PI4K2B: variants seen among roughly 807,000 people sequenced by gnomAD.
The protein encoded by PI4K2B is phosphatidylinositol 4-kinase type 2-beta.
In PI4K2B, 46 loss-of-function variants were observed where a neutral mutation model predicts 56.6. The ratio of observed to expected loss-of-function variants is 0.81; its 90% CI spans 0.64 to 1.04. The LOEUF (loss-of-function observed/expected upper bound fraction) is 1.04. Ranked by LOEUF, PI4K2B falls within the 50% of genes least tolerant of loss-of-function variation. The probability of loss-of-function intolerance (pLI) is 0.00; values close to 1 mark genes in which losing one functional copy is unlikely to be tolerated. For synonymous variants in PI4K2B, 211 were observed against 223.8 expected, an observed-to-expected ratio of 0.94 and a Z score of 0.51; for missense variants, 556 against 607.7, an observed-to-expected ratio of 0.91 and a Z score of 0.89.
chr4:25,265,610 A>G (rs1274694624), intron 7 of PI4K2B, among the ~76,000 whole-genome samples: 1 of 152,188 alleles, frequency 6.6e-6, no homozygotes, highest in Non-Finnish European at 1.5e-5. Context: ...GGAATAATTT[A>G]GAAGTATTTT....
intron 9 of PI4K2B, among the ~76,000 whole-genome samples, chr4:25,273,500 C>T (rs1194595460): frequency 3.3e-5 from 5 of 152,114 alleles, no homozygotes; most frequent in Non-Finnish European, 7.4e-5. Context: ...TTTAATGATG[C>T]TTATTATTGT....
rs113536568 is a variant in PI4K2B, at chr4:25,275,083, C to T, written c.1273-1931C>T. On this transcript the variant is annotated intron_variant, in intron 9 of 9. Coordinates refer to ENST00000264864, the MANE Select transcript of PI4K2B (RefSeq NM_018323.4). ...CCTCCCAAAGTGCTGGGATTACAGG[C>T]ATGAGCCACCACACCTGGTCAACGT... 3.3e-3 allele frequency among the ~76,000 whole-genome samples: 510 copies of T among 152,264 alleles called. 4 individuals are homozygous for T. The highest frequency in any genetic ancestry group is 0.011 in the African/African-American group (465 of 41,556).
chr4:25,241,217 C>T (rs1229317279), intron 1 of PI4K2B, among the ~76,000 whole-genome samples: 2 of 152,224 alleles, frequency 1.3e-5, no homozygotes, highest in Admixed American at 6.5e-5. Context: ...TTTCCCTTTC[C>T]CAGTTCTAAG....
At chr4:25,234,996 A>C (rs564474463) in intron 1 of PI4K2B, among the ~76,000 whole-genome samples, 1 of 152,244 alleles carries the variant, frequency 6.6e-6, no homozygotes, top group Non-Finnish European at 1.5e-5. Context: ...TTCTTGATTT[A>C]CTTCTAATAC....
At chr4:25,273,051 G>A (rs1025406789) in intron 9 of PI4K2B, among the ~76,000 whole-genome samples, 1 of 151,964 alleles carries the variant, frequency 6.6e-6, no homozygotes, top group Non-Finnish European at 1.5e-5. Context: ...CTAGTTTGTA[G>A]TAAGCCGTTA....
chr4:25,237,785 G>A (rs941519341), intron 1 of PI4K2B, among the ~76,000 whole-genome samples: 2 of 152,204 alleles, frequency 1.3e-5, no homozygotes, highest in African/African-American at 2.4e-5. Flanking sequence ...GACCGAGGCA[G>A]GAGGATTGCT....
intron 1 of PI4K2B, among the ~76,000 whole-genome samples, chr4:25,247,977 A>T (rs931474572): frequency 1.3e-5 from 2 of 152,222 alleles, no homozygotes; most frequent in Non-Finnish European, 2.9e-5. Flanking sequence ...TGCTGGGATT[A>T]CAGGCGTGAG....
chr4:25,275,867 G>C (rs1022986429), intron 9 of PI4K2B, among the ~76,000 whole-genome samples: 4 of 152,032 alleles, frequency 2.6e-5, no homozygotes, highest in African/African-American at 9.7e-5. Context: ...ACTTTAAGAG[G>C]CCAAGGCAGG....
Position 25,259,196 on chromosome 4 carries a change from G to A in PI4K2B, c.910+6G>A. 1 of 1,502,980 alleles carries A rather than the reference G, an allele frequency of 6.7e-7. No individual in the cohort carries two copies. Among genetic ancestry groups the A allele is most frequent in the South Asian group, 1.2e-5 (1 of 84,682 alleles). The allele number at this position is 1,502,980 out of a possible 1,614,324, so 93.1% of individuals were successfully genotyped here. A position where few individuals can be genotyped will look rare whatever the true frequency, so the allele number is the denominator to read the frequency against. ...TTACATCATCAGAAATACAGGTATT[G>A]AAGTTCTCTCATTTGTTCACGTAAA... On this transcript the variant is annotated splice_donor_region_variant and intron_variant, in intron 5 of 9. Coordinates refer to ENST00000264864, the MANE Select transcript of PI4K2B (RefSeq NM_018323.4).
intron 1 of PI4K2B, among the ~76,000 whole-genome samples, chr4:25,249,407 A>AC (rs1248516242): frequency 5.8e-5 from 2 of 34,220 alleles, no homozygotes; most frequent in Admixed American, 5.8e-4. Context: ...GCGCCCCTCC[A>AC]CCCCCCGGAC....
intron 9 of PI4K2B, among the ~76,000 whole-genome samples, chr4:25,273,946 T>C (rs997733926): frequency 6.6e-6 from 1 of 152,170 alleles, no homozygotes; most frequent in Non-Finnish European, 1.5e-5. Flanking sequence ...CCTTTCCCAG[T>C]GGTGCTCTTG....
At chr4:25,246,341 G>A (rs1218838013) in intron 1 of PI4K2B, among the ~76,000 whole-genome samples, 7 of 152,090 alleles carry the variant, frequency 4.6e-5, no homozygotes, top group Admixed American at 4.6e-4. Flanking sequence ...AGAGCTGATT[G>A]GTCCGTTTTG....
chr4:25,249,991 G>T (rs1353901138), intron 1 of PI4K2B, among the ~76,000 whole-genome samples: 1 of 152,214 alleles, frequency 6.6e-6, no homozygotes, highest in East Asian at 1.9e-4. Context: ...GCCGAGGCTG[G>T]CAGATCACTC....
At chr4:25,265,824 G>A (rs1716646385) in intron 7 of PI4K2B, among the ~76,000 whole-genome samples, 1 of 152,114 alleles carries the variant, frequency 6.6e-6, no homozygotes. Context: ...AAAGAATGAG[G>A]ACAAAATTCT....
chr4:25,237,771 A>G (rs889247080), intron 1 of PI4K2B, among the ~76,000 whole-genome samples: 23 of 152,204 alleles, frequency 1.5e-4, no homozygotes, highest in African/African-American at 5.5e-4. Flanking sequence ...CAAGCTACTC[A>G]GGAGACCGAG....
At chr4:25,254,092 T>G (rs56063148) in intron 2 of PI4K2B, among the ~76,000 whole-genome samples, 62,942 of 152,048 alleles carry the variant, frequency 0.41, 16,144 homozygotes, top group Non-Finnish European at 0.57. Context: ...CCTGAAAAAA[T>G]AGCTGGAAAA....
At chr4:25,238,863 C>T (rs1715385441) in intron 1 of PI4K2B, among the ~76,000 whole-genome samples, 1 of 152,172 alleles carries the variant, frequency 6.6e-6, no homozygotes, top group African/African-American at 2.4e-5. Flanking sequence ...CTGGTTCGGG[C>T]AGCCTGCTTT....
intron 6 of PI4K2B, among the ~76,000 whole-genome samples, chr4:25,261,367 A>C (rs1716472047): frequency 6.6e-6 from 1 of 152,188 alleles, no homozygotes; most frequent in Non-Finnish European, 1.5e-5. Flanking sequence ...GAGCCTCAAC[A>C]CTGATATGAG....
At chr4:25,234,494 C>G in intron 1 of PI4K2B, 63 bp downstream of exon 1, 1 of 1,143,230 alleles carries the variant, frequency 8.7e-7, no homozygotes, top group Non-Finnish European at 1.1e-6. Flanking sequence ...TCGCCCGGCT[C>G]GGTCCTGTCT....
Sources: gnomAD v4.1 joint callset for allele counts (sites outside exome capture counted in the v4.1 genomes callset) on GRCh38, gnomAD v4.1.1 for gene constraint, MANE v1.5 for transcripts, NCBI Gene and HGNC (gene_info 2026-07-23, HGNC 2026-07-21) for gene names.